Variants in KIF1B observed in about 807,000 individuals in gnomAD.
The protein encoded by KIF1B is kinesin family member 1B.
In KIF1B, 76 loss-of-function variants were observed where a neutral mutation model predicts 241.9. That is an observed-to-expected ratio of 0.31 (90% CI 0.26 to 0.38). The LOEUF is 0.38. Ranked by LOEUF, KIF1B falls within the 10% of genes least tolerant of loss-of-function variation. KIF1B has a pLI of 1.00. For missense variants in KIF1B, 1,622 were observed against 2,271.4 expected (o/e 0.71, Z 5.81); for synonymous variants, 750 against 796.7 (o/e 0.94, Z 0.99).
At chr1:10,309,376 G>C (rs1172506547) in intron 22 of KIF1B, among the ~76,000 whole-genome samples, 1 of 152,236 alleles carries the variant, frequency 6.6e-6, no homozygotes, top group Non-Finnish European at 1.5e-5. Context: ...GGGTGACACA[G>C]AAGATTACAG....
Position 10,352,672 on chromosome 1 carries a change from G to C in KIF1B, c.3991G>C (p.Asp1331His), listed in dbSNP as rs766990936. Residue 1331 changes from aspartate to histidine, a missense_variant, in exon 38 of 49, where the codon GAT becomes CAT. This residue lies in a region of KIF1B where 803 missense variants were observed against 1,112.0 expected (regional missense o/e 0.72). Transcript: ENST00000676179. Reference sequence around the variant, plus strand: ...GCCTGAGGTGGATGAAGCTGCAGTTGATGCCATCCTCTCCCTAAATATTAT... The same window carrying C: ...GCCTGAGGTGGATGAAGCTGCAGTTCATGCCATCCTCTCCCTAAATATTAT... ...NKPEVDEAAV[D>H]AILSLNIISA... is the part of the protein sequence containing the mutation. 3.7e-6 allele frequency: 6 copies of C among 1,614,044 alleles called. No homozygotes were observed. The highest frequency in any genetic ancestry group is 8.5e-7 in the Non-Finnish European group (1 of 1,179,976).
At chr1:10,335,568 T>G (rs1416035461) in intron 28 of KIF1B, among the ~76,000 whole-genome samples, 2 of 152,188 alleles carry the variant, frequency 1.3e-5, no homozygotes, top group East Asian at 3.8e-4. Context: ...AAATAATATA[T>G]CTTAACTGCT....
intron 34 of KIF1B, 145 bp downstream of exon 34, chr1:10,343,432 TAGGA>T: frequency 3.6e-6 from 3 of 831,632 alleles, no homozygotes; most frequent in Non-Finnish European, 6.0e-6. Context: ...ATGTATCTAG[TAGGA>T]ACTAGAATTC....
At chr1:10,259,604 G>A (rs1046962951) in intron 4 of KIF1B, among the ~76,000 whole-genome samples, 3 of 151,706 alleles carry the variant, frequency 2.0e-5, no homozygotes, top group Admixed American at 6.6e-5. Flanking sequence ...CTGGGTTCAA[G>A]TGATTCTCCT....
At chr1:10,223,469 A>T (rs1646870311) in intron 1 of KIF1B, among the ~76,000 whole-genome samples, 1 of 151,614 alleles carries the variant, frequency 6.6e-6, no homozygotes, top group Non-Finnish European at 1.5e-5. Context: ...ACTTAACTGT[A>T]GCTTTGAATG....
At chr1:10,286,584 A>G (rs1649726799) in intron 15 of KIF1B, among the ~76,000 whole-genome samples, 1 of 152,228 alleles carries the variant, frequency 6.6e-6, no homozygotes, top group African/African-American at 2.4e-5. Flanking sequence ...AATGGCTTCA[A>G]CAAATGTTCT....
chr1:10,270,548 TACAAGTCTTTGTGTGG>T (rs1433708600), intron 7 of KIF1B, among the ~76,000 whole-genome samples: 1 of 152,260 alleles, frequency 6.6e-6, no homozygotes, highest in African/African-American at 2.4e-5. Context: ...AACATTTGTG[TACAAGTCTTTGTGTGG>T]ACATTTGTTT....
chr1:10,321,630 A>C, intron 23 of KIF1B, 79 bp from the exon 24 acceptor site: 1 of 1,467,924 alleles, frequency 6.8e-7, no homozygotes, highest in Admixed American at 1.7e-5. Flanking sequence ...ACCTTGGTAA[A>C]AGAGATAAGC....
At chr1:10,279,605 G>A (rs1649299149) in intron 14 of KIF1B, among the ~76,000 whole-genome samples, 1 of 150,682 alleles carries the variant, frequency 6.6e-6, no homozygotes, top group Non-Finnish European at 1.5e-5. Context: ...CTCTGTAGAT[G>A]TTGGGCTAAG....
chr1:10,215,172 A>ATATTTTTT (rs1377684765), intron 1 of KIF1B, among the ~76,000 whole-genome samples: 9 of 45,350 alleles, frequency 2.0e-4, no homozygotes, highest in African/African-American at 8.0e-4. Context: ...ATATATATAT[A>ATATTTTTT]TTTTTTTTTT....
At chr1:10,369,865 G>A (rs1201999048) in intron 44 of KIF1B, among the ~76,000 whole-genome samples, 1 of 151,894 alleles carries the variant, frequency 6.6e-6, no homozygotes, top group East Asian at 1.9e-4. Flanking sequence ...CTGGGAGGTG[G>A]AGGTTGCAGT....
chr1:10,248,829 G>A (rs1647292292), intron 2 of KIF1B, among the ~76,000 whole-genome samples: 1 of 152,154 alleles, frequency 6.6e-6, no homozygotes. Flanking sequence ...AGCCAAAGAT[G>A]GCTCCCAGAT....
rs373667312 is a variant in KIF1B at position 10,258,300 on chromosome 1, TTGTG to T, written c.184-192_184-189del. On this transcript the variant is annotated intron_variant, in intron 3 of 48. Coordinates refer to ENST00000676179, the MANE Select transcript of KIF1B (RefSeq NM_001365951.3). Reference sequence around the variant, plus strand: ...TGGATGACTCTAACAGTGCATGTGTTTGTGAGTGTGTGTGTGTGCATGTGCGTGT... The same window carrying T: ...TGGATGACTCTAACAGTGCATGTGTTAGTGTGTGTGTGTGCATGTGCGTGT... 2.1e-3 allele frequency among the ~76,000 whole-genome samples: 326 copies of T among 152,146 alleles called. 1 individual carries two copies. The highest frequency in any genetic ancestry group is 3.9e-3 in the Non-Finnish European group (267 of 67,966).
intron 27 of KIF1B, among the ~76,000 whole-genome samples, chr1:10,333,831 A>C (rs1437156911): frequency 6.6e-6 from 1 of 151,908 alleles, no homozygotes; most frequent in East Asian, 1.9e-4. Flanking sequence ...AAAATGAAAC[A>C]AAACCTCTTT....
chr1:10,334,775 T>C (rs1652101836), intron 28 of KIF1B, 137 bp downstream of exon 28: 2 of 724,362 alleles, frequency 2.8e-6, no homozygotes, highest in African/African-American at 3.5e-5. Context: ...GACACATACT[T>C]TGGAGAAAGC....
chr1:10,261,840 C>A, intron 4 of KIF1B, 65 bp from the exon 5 acceptor site: 1 of 966,858 alleles, frequency 1.0e-6, no homozygotes, highest in Non-Finnish European at 1.7e-6. Context: ...TCATTGAGCA[C>A]GCGTGGATGA....
At chr1:10,290,028 G>A (rs1649912290) in intron 15 of KIF1B, among the ~76,000 whole-genome samples, 1 of 152,030 alleles carries the variant, frequency 6.6e-6, no homozygotes, top group Non-Finnish European at 1.5e-5. Flanking sequence ...TAATGGGGTT[G>A]TATATAAGTA....
intron 15 of KIF1B, among the ~76,000 whole-genome samples, chr1:10,290,025 G>A (rs1649912127): frequency 6.6e-6 from 1 of 152,104 alleles, no homozygotes; most frequent in Non-Finnish European, 1.5e-5. Flanking sequence ...ATGTAATGGG[G>A]TTGTATATAA....
rs1270308008 is a variant in KIF1B, at chr1:10,326,149, C to G, written c.2714C>G (p.Ala905Gly). ...CACGGCTGTGTGAACGAGCGCCTTG[C>G]CGACCGCACACCCTCCCCCACTTTT... ...IFHGCVNERL[A>G]DRTPSPTFST... The change falls in exon 27 of 49, where the codon GCC becomes GGC. Residue 905 changes from alanine (A) to glycine (G), a missense_variant. Ala to Gly is a moderately conservative substitution (Grantham distance 60). Coordinates refer to ENST00000676179, the MANE Select transcript of KIF1B (RefSeq NM_001365951.3). This position sits in a 1 kb window ranked among gnomAD's most constrained non-coding sequence, Gnocchi z 5.2. 2 of 1,614,032 alleles carry G rather than the reference C, an allele frequency of 1.2e-6. No individual in the cohort carries two copies. Among genetic ancestry groups the G allele is most frequent in the Non-Finnish European group, 1.7e-6 (2 of 1,180,034 alleles).
Sources: gnomAD v4.1 joint callset for allele counts (sites outside exome capture counted in the v4.1 genomes callset) on GRCh38, gnomAD v4.1.1 for gene constraint, gnomAD v4.1.1 regional missense constraint, Gnocchi (gnomAD v3.1) non-coding constraint, MANE v1.5 for transcripts, NCBI Gene and HGNC (gene_info 2026-07-23, HGNC 2026-07-21) for gene names.